The following DOCK2 variants were observed in gnomAD, a reference collection of about 807,000 sequenced individuals.
DOCK2 encodes dedicator of cytokinesis protein 2.
Under a neutral mutation model 248.9 loss-of-function variants are expected in DOCK2, and 87 were observed. The observed-to-expected ratio is 0.35, with a 90% CI of 0.29 to 0.42. DOCK2 has a LOEUF of 0.42. Ranked by LOEUF, DOCK2 falls within the 10% of genes least tolerant of loss-of-function variation. The pLI is 1.00. For synonymous variants in DOCK2, 805 were observed against 821.6 expected, an observed-to-expected ratio of 0.98 and a Z score of 0.35; for missense variants, 1,747 against 2,300.2, an observed-to-expected ratio of 0.76 and a Z score of 4.92.
At chr5:170,030,020 G>A (rs1756073268) in intron 34 of DOCK2, among the ~76,000 whole-genome samples, 1 of 152,238 alleles carries the variant, frequency 6.6e-6, no homozygotes, top group Admixed American at 6.5e-5. Flanking sequence ...AGGTGGATAT[G>A]GAGACTGATG....
intron 25 of DOCK2, among the ~76,000 whole-genome samples, chr5:169,770,422 G>A (rs1202603110): frequency 6.6e-6 from 1 of 150,850 alleles, no homozygotes; most frequent in Non-Finnish European, 1.5e-5. Flanking sequence ...CAGCTTCTGA[G>A]TAGTTAGGAC....
In DOCK2 at chr5:169,702,326, A is replaced by T; in HGVS notation, c.1282A>T (p.Ile428Phe). The T allele has an allele frequency of 6.2e-7, 1 of 1,613,936 alleles. No homozygotes were observed. Among genetic ancestry groups the T allele is most frequent in the Non-Finnish European group, 8.5e-7 (1 of 1,179,858 alleles). Reference protein sequence around the residue: ...MPGDVRNDIYITLLQGDFDKY... With the variant: ...MPGDVRNDIYFTLLQGDFDKY... ...AGGGGATGTCAGGAACGACATCTAC[A>T]TTACTCTCTTACAAGGTGACTTTGA... The change falls in exon 14 of 52, where the codon ATT (isoleucine) becomes TTT (phenylalanine). Residue 428 changes from isoleucine to phenylalanine, a missense_variant. Physicochemically the swap from Ile to Phe is conservative, Grantham distance 21 (BLOSUM62 0). Around this residue, in one of 4 missense-constraint regions of DOCK2, gnomAD observed 858 missense variants for 1,183.5 expected, o/e 0.72. Coordinates refer to ENST00000520908, the MANE Select transcript of DOCK2 (RefSeq NM_004946.3).
At chr5:170,024,282 C>T (rs1241971196) in intron 33 of DOCK2, among the ~76,000 whole-genome samples, 1 of 151,638 alleles carries the variant, frequency 6.6e-6, no homozygotes, top group Non-Finnish European at 1.5e-5. Flanking sequence ...GAGCTACATC[C>T]TCAACTCTGG....
At chr5:169,647,707 T>C (rs531842052) in intron 1 of DOCK2, among the ~76,000 whole-genome samples, 1 of 152,066 alleles carries the variant, frequency 6.6e-6, no homozygotes, top group Non-Finnish European at 1.5e-5. Context: ...CCCACCTCCT[T>C]GGGGGCTCTC....
At chr5:169,658,275 T>G (rs928165757) in intron 2 of DOCK2, among the ~76,000 whole-genome samples, 1 of 151,914 alleles carries the variant, frequency 6.6e-6, no homozygotes, top group African/African-American at 2.4e-5. Flanking sequence ...GGTCAGGAGA[T>G]CGAGACCCTC....
chr5:169,642,144 A>T (rs141905148), intron 1 of DOCK2, among the ~76,000 whole-genome samples: 31 of 152,366 alleles, frequency 2.0e-4, no homozygotes, highest in Non-Finnish European at 3.4e-4. Context: ...AGAGGGACCA[A>T]TTATACTGCT....
chr5:169,869,435 G>GT (rs2113449550), intron 27 of DOCK2, among the ~76,000 whole-genome samples: 1 of 152,286 alleles, frequency 6.6e-6, no homozygotes, highest in South Asian at 2.1e-4. Context: ...ATTGATTAAT[G>GT]TTTTTTAGGC....
At chr5:169,841,537 G>T (rs959188462) in intron 27 of DOCK2, 38 of 818,722 alleles carry the variant, frequency 4.6e-5, no homozygotes, top group African/African-American at 3.7e-5. Flanking sequence ...ACCTGCCAAT[G>T]GTTGTCCATC....
chr5:169,643,693 C>A lies in DOCK2; in HGVS notation c.43+6324C>A, dbSNP rs545730786. ...TCGGTGGCCTGGGGAGTTGGGGACC[C>A]CTGTTCTAGGGCACTCAGTTCCCCT... On this transcript the variant is annotated intron_variant, in intron 1 of 51. Transcript: ENST00000520908. 2.0e-5 allele frequency among the ~76,000 whole-genome samples: 3 copies of A among 152,198 alleles called. No individual in the cohort carries two copies. The South Asian group carries it at 6.2e-4, about 32-fold the overall frequency.
intron 46 of DOCK2, 80 bp from the exon 47 acceptor site, chr5:170,075,867 G>A: frequency 6.4e-7 from 1 of 1,568,954 alleles, no homozygotes; most frequent in Admixed American, 1.7e-5. Context: ...AGACTTGACT[G>A]CAGCTGCCTT....
chr5:170,071,041 T>TACAGAGGCCCACCTAA (rs1197766485), intron 46 of DOCK2, among the ~76,000 whole-genome samples: 2 of 152,118 alleles, frequency 1.3e-5, no homozygotes, highest in Non-Finnish European at 1.5e-5. Context: ...AGACCACCTA[T>TACAGAGGCCCACCTAA]ACAGAGGCCC....
chr5:169,962,509 T>C (rs1318480353), intron 27 of DOCK2, among the ~76,000 whole-genome samples: 1 of 152,114 alleles, frequency 6.6e-6, no homozygotes, highest in Non-Finnish European at 1.5e-5. Context: ...GAGTTTGAGA[T>C]GCCTGCAAAC....
intron 26 of DOCK2, among the ~76,000 whole-genome samples, chr5:169,805,863 C>T (rs1271461982): frequency 6.6e-6 from 1 of 152,210 alleles, no homozygotes; most frequent in African/African-American, 2.4e-5. Flanking sequence ...CTCTTTACCG[C>T]CTCTGAGTGC....
chr5:169,851,752 T>C (rs990803500), intron 27 of DOCK2, among the ~76,000 whole-genome samples: 5 of 152,122 alleles, frequency 3.3e-5, no homozygotes, highest in Non-Finnish European at 2.9e-5. Context: ...AGGGAGGTTT[T>C]ACACGGTGGC....
At chr5:170,033,293 C>A (rs954539927) in intron 34 of DOCK2, among the ~76,000 whole-genome samples, 21 of 152,134 alleles carry the variant, frequency 1.4e-4, no homozygotes, top group Non-Finnish European at 2.8e-4. Context: ...CAATGCCTAG[C>A]AACTAATAGA....
In DOCK2 at chr5:169,700,093, C is replaced by A. The variant is rs2112703; in HGVS notation, c.1212C>A (p.Thr404=). 0.19 allele frequency: 312,864 copies of A among 1,613,808 alleles called. 32,077 individuals carry two copies. The highest frequency in any genetic ancestry group is 0.21 in the Non-Finnish European group (249,196 of 1,179,834). The stretch of plus-strand genomic sequence containing the variant: ...ACTATCCACACCTGGTGGACAGGAC[C>A]ACCGTGGTGGCCAGGAAGCTGGGAT... ...RKDYPHLVDR[T]TVVARKLGFP... The change falls in exon 13 of 52, where the codon ACC becomes ACA. Residue 404 remains threonine, a synonymous_variant. Coordinates refer to ENST00000520908, the MANE Select transcript of DOCK2 (RefSeq NM_004946.3).
At chr5:169,676,540 T>C (rs1421439296) in intron 6 of DOCK2, among the ~76,000 whole-genome samples, 1 of 152,180 alleles carries the variant, frequency 6.6e-6, no homozygotes, top group Non-Finnish European at 1.5e-5. Flanking sequence ...TTCACCTGAC[T>C]GCTTCAGCTG....
rs80096788 is a variant in DOCK2 at position 169,972,803 on chromosome 5, A to C, written c.2800-10265A>C. 3.2e-3 allele frequency among the ~76,000 whole-genome samples: 488 copies of C among 152,264 alleles called. 4 individuals carry two copies. Among genetic ancestry groups the C allele is most frequent in the Non-Finnish European group, 5.4e-3 (364 of 68,032 alleles). ...TAGGAAGCGGGAAAAATGTTCTCCA[A>C]TGTGGACTAAGAATTACACCTTCAG... On this transcript the variant is annotated intron_variant, in intron 27 of 51. Coordinates refer to ENST00000520908, the MANE Select transcript of DOCK2 (RefSeq NM_004946.3).
At chr5:169,801,486 G>A (rs548105928) in intron 25 of DOCK2, among the ~76,000 whole-genome samples, 1 of 152,240 alleles carries the variant, frequency 6.6e-6, no homozygotes, top group Admixed American at 6.5e-5. Flanking sequence ...CACGACACTT[G>A]CAACAGTGCC....
Sources: allele counts gnomAD v4.1 joint callset (sites outside exome capture counted in the v4.1 genomes callset), GRCh38; gene constraint gnomAD v4.1.1; regional missense constraint gnomAD v4.1.1; transcripts MANE v1.5; gene names NCBI Gene and HGNC (gene_info 2026-07-23, HGNC 2026-07-21).